TSPYL1: variants seen among roughly 807,000 people sequenced by gnomAD.
TSPYL1 encodes the protein testis-specific Y-encoded-like protein 1.
Under a neutral mutation model 20.1 loss-of-function variants are expected in TSPYL1, and 16 were observed. The ratio of observed to expected loss-of-function variants is 0.80; its 90% CI spans 0.54 to 1.21. The LOEUF (loss-of-function observed/expected upper bound fraction) is 1.21, where lower values mean the gene tolerates loss of function less well. TSPYL1 is among the 50% of genes most tolerant of loss of function. The pLI is 0.00. For synonymous variants in TSPYL1, 259 were observed against 227.1 expected, an observed-to-expected ratio of 1.14 and a Z score of -1.26; for missense variants, 560 against 569.3, an observed-to-expected ratio of 0.98 and a Z score of 0.17.
rs1163309251 is a variant in TSPYL1, at chr6:116,279,902, G to A, written c.-72C>T. 1.9e-6 allele frequency: 3 copies of A among 1,597,646 alleles called. No homozygotes were observed. Among genetic ancestry groups the A allele is most frequent in the Admixed American group, 3.3e-5 (2 of 59,968 alleles). The stretch of plus-strand genomic sequence containing the variant: ...GAGGCCGAACTGGGAGCTAACCGCC[G>A]CTCGCACCGCCCACCCTACAGTCTC... On this transcript the variant is annotated 5_prime_UTR_variant, in exon 1 of 1. Transcript: ENST00000368608.
rs1351568211 is a variant in TSPYL1 at position 116,276,691 on chromosome 6, A to G, written c.*1826T>C. 6.6e-6 allele frequency: 1 copy of G among 152,232 alleles called. No homozygotes were observed. Among genetic ancestry groups the G allele is most frequent in the Non-Finnish European group, 1.5e-5 (1 of 68,034 alleles). 9.4% of individuals were successfully genotyped at this position (152,232 alleles called of 1,614,324 possible). A position where few individuals can be genotyped will look rare whatever the true frequency, so the allele number is the denominator to read the frequency against. ...TTAATATGAACAACTTCATTCAAGCATTACATTTATGGGTAAGGTGAAAAA... is the reference window on the plus strand; with the variant it reads ...TTAATATGAACAACTTCATTCAAGCGTTACATTTATGGGTAAGGTGAAAAA... On this transcript the variant is annotated 3_prime_UTR_variant, in exon 1 of 1. Transcript: ENST00000368608.
chr6:116,279,267 C>G lies in TSPYL1; in HGVS notation c.564G>C (p.Glu188Asp). The G allele has an allele frequency of 1.7e-5, 27 of 1,604,246 alleles. No individual in the cohort carries two copies. The highest frequency in any genetic ancestry group is 2.2e-5 in the Non-Finnish European group (26 of 1,178,918). ...EGLAEKEVMEEQMEVEEQPPE... is the reference protein window; with the variant it reads ...EGLAEKEVMEDQMEVEEQPPE... ...GCGGCTGCTCCTCTACCTCCATCTG[C>G]TCCTCCATTACCTCCTTCTCCGCCA... Residue 188 changes from glutamate (E) to aspartate (D), a missense_variant, in exon 1 of 1, where the codon GAG (glutamate) becomes GAC (aspartate). Transcript: ENST00000368608.
In TSPYL1 at chr6:116,278,859, G is replaced by A; in HGVS notation, c.972C>T (p.Phe324=). ...HPRTGCKFKF[F]FRRNPYFRNK... ...TTCTGAAGTAGGGGTTTCTTCTAAA[G>A]AAGAACTTGAACTTGCAACCGGTTC... Residue 324 remains phenylalanine (F), a synonymous_variant, in exon 1 of 1, where the codon TTC becomes TTT. Coordinates refer to ENST00000368608, the MANE Select transcript of TSPYL1 (RefSeq NM_003309.4). 6 of 1,614,134 alleles carry A rather than the reference G, an allele frequency of 3.7e-6. No homozygotes were observed. The highest frequency in any genetic ancestry group is 5.1e-6 in the Non-Finnish European group (6 of 1,180,020).
rs1436898821 is a variant in TSPYL1 at position 116,279,469 on chromosome 6, A to T, written c.362T>A (p.Leu121Gln). The T allele has an allele frequency of 6.2e-7, 1 of 1,612,740 alleles. No individual in the cohort carries two copies. The highest frequency in any genetic ancestry group is 2.2e-5 in the East Asian group (1 of 44,864). ...ASVVMAADRS[L>Q]KKGVQGGEKA... Reference sequence around the variant, plus strand: ...CTCTCCACCCTGAACGCCCTTTTTCAGGCTGCGGTCGGCTGCCATCACCAC... The same window carrying T: ...CTCTCCACCCTGAACGCCCTTTTTCTGGCTGCGGTCGGCTGCCATCACCAC... Residue 121 changes from leucine (L) to glutamine (Q), a missense_variant, in exon 1 of 1, where the codon CTG becomes CAG. Physicochemically the swap from Leu to Gln is moderately radical, Grantham distance 113. Transcript: ENST00000368608.
Position 116,279,179 on chromosome 6 carries a change from C to A in TSPYL1, c.652G>T (p.Glu218Ter), listed in dbSNP as rs1408604811. 2 of 1,612,586 alleles carry A rather than the reference C, an allele frequency of 1.2e-6. No homozygotes were observed. The highest frequency in any genetic ancestry group is 2.2e-5 in the East Asian group (1 of 44,866). Residue 218 changes from glutamate to a stop codon, truncating the protein, a stop_gained, in exon 1 of 1, where the codon GAA (glutamate) becomes TAA (stop). Transcript: ENST00000368608. LOFTEE classifies it high-confidence loss of function. ...DRLEEEAREE[E>*]GPWPLHEALR... Reference sequence around the variant, plus strand: ...GCCTCATGCAAAGGCCAGGGCCCTTCTTCCTCCCTCGCCTCCTCCTCCAAT... The same window carrying A: ...GCCTCATGCAAAGGCCAGGGCCCTTATTCCTCCCTCGCCTCCTCCTCCAAT...
At position 116,279,674 on chromosome 6, in the gene TSPYL1, C is replaced by T. The variant is rs1773379332; in HGVS notation, c.157G>A (p.Gly53Ser). 6.2e-7 allele frequency: 1 copy of T among 1,608,804 alleles called. No homozygotes were observed. The highest frequency in any genetic ancestry group is 8.5e-7 in the Non-Finnish European group (1 of 1,179,958). ...TQVMAEPGEG[G>S]SETVALPPPP... ...GGCGGGAGCGCGACGGTCTCCGAGC[C>T]TCCCTCACCCGGCTCCGCCATCACC... is the stretch of plus-strand genomic sequence containing the variant. Residue 53 changes from glycine (G) to serine (S), a missense_variant, in exon 1 of 1, where the codon GGC becomes AGC. By Grantham distance (56) the Gly-to-Ser change is moderately conservative. Transcript: ENST00000368608.
Position 116,278,372 on chromosome 6 carries a change from G to GAA in TSPYL1, c.*143_*144dup. On this transcript the variant is annotated 3_prime_UTR_variant, in exon 1 of 1. Transcript: ENST00000368608. ...CACCGTCTCAATCTTGAGGTTGAGA[G>GAA]AACTGAATATCCAAAGGAAACAGGG... 9.9e-7 allele frequency: 1 copy of GAA among 1,015,188 alleles called. No homozygotes were observed. Among genetic ancestry groups the GAA allele is most frequent in the Non-Finnish European group, 1.5e-6 (1 of 673,612 alleles). The allele number at this position is 1,015,188 out of a possible 1,614,324, so 62.9% of individuals were successfully genotyped here.
In TSPYL1 at chr6:116,275,965, TTTGC is replaced by T. The variant is rs1773122972; in HGVS notation, c.*2548_*2551del. ...ACTGTATCACTCTGTTAATTCTTTG[TTTGC>T]TTATCAGTCCTTCCCCAGTTCCCCA... On this transcript the variant is annotated 3_prime_UTR_variant, in exon 1 of 1. Coordinates refer to ENST00000368608, the MANE Select transcript of TSPYL1 (RefSeq NM_003309.4). Among the ~76,000 whole-genome samples, 1 of 152,236 alleles carries T rather than the reference TTTGC, an allele frequency of 6.6e-6. No homozygotes were observed. Among genetic ancestry groups the T allele is most frequent in the Non-Finnish European group, 1.5e-5 (1 of 68,042 alleles).
At position 116,276,583 on chromosome 6, in the gene TSPYL1, T is replaced by C. The variant is rs1377501043; in HGVS notation, c.*1934A>G. ...CATCAATTTAAGGACTTTAATGATT[T>C]TAATCCATTAAGAACTTTAATGATT... is the stretch of plus-strand genomic sequence containing the variant. On this transcript the variant is annotated 3_prime_UTR_variant, in exon 1 of 1. Transcript: ENST00000368608. The C allele has an allele frequency of 6.6e-6, 1 of 152,088 alleles. No homozygotes were observed. Among genetic ancestry groups the C allele is most frequent in the Non-Finnish European group, 1.5e-5 (1 of 68,018 alleles). The allele number at this position is 152,088 out of a possible 1,614,324, so 9.4% of individuals were successfully genotyped here.
At position 116,279,906 on chromosome 6, in the gene TSPYL1, G is replaced by A; in HGVS notation, c.-76C>T. On this transcript the variant is annotated 5_prime_UTR_variant, in exon 1 of 1. Transcript: ENST00000368608. Reference sequence around the variant, plus strand: ...CCGAACTGGGAGCTAACCGCCGCTCGCACCGCCCACCCTACAGTCTCACTA... The same window carrying A: ...CCGAACTGGGAGCTAACCGCCGCTCACACCGCCCACCCTACAGTCTCACTA... 2 of 1,588,670 alleles carry A rather than the reference G, an allele frequency of 1.3e-6. No individual in the cohort carries two copies. Among genetic ancestry groups the A allele is most frequent in the Non-Finnish European group, 8.6e-7 (1 of 1,158,124 alleles).
rs769329052 is a variant in TSPYL1 at position 116,278,921 on chromosome 6, T to C, written c.910A>G (p.Ile304Val). ...RGQDAEMLRY[I>V]TNLEVKELRH... ...AGTTCCTTCACCTCTAAATTGGTTATGTACCTTAACATCTCTGCATCTTGG... is the reference window on the plus strand; with the variant it reads ...AGTTCCTTCACCTCTAAATTGGTTACGTACCTTAACATCTCTGCATCTTGG... Residue 304 changes from isoleucine to valine, a missense_variant, in exon 1 of 1, where the codon ATA (isoleucine) becomes GTA (valine). By Grantham distance (29) the Ile-to-Val change is conservative (BLOSUM62 3). Coordinates refer to ENST00000368608, the MANE Select transcript of TSPYL1 (RefSeq NM_003309.4). 6 of 1,614,066 alleles carry C rather than the reference T, an allele frequency of 3.7e-6. No homozygotes were observed. In the Admixed American group the frequency reaches 5.0e-5, roughly 13 times the overall value.
In TSPYL1 at chr6:116,277,327, T is replaced by C. The variant is rs998320597; in HGVS notation, c.*1190A>G. 5 of 152,790 alleles carry C rather than the reference T, an allele frequency of 3.3e-5. No homozygotes were observed. Among genetic ancestry groups the C allele is most frequent in the Admixed American group, 6.5e-5 (1 of 15,306 alleles). The allele number at this position is 152,790 out of a possible 1,614,324, so 9.5% of individuals were successfully genotyped here. ...AAAAGTATTTTTCCATTCATCATCA[T>C]TGGGGAGTAAGTACTCCTTCCTCGA... On this transcript the variant is annotated 3_prime_UTR_variant, in exon 1 of 1. Coordinates refer to ENST00000368608, the MANE Select transcript of TSPYL1 (RefSeq NM_003309.4).
chr6:116,278,371 A>G lies in TSPYL1; in HGVS notation c.*146T>C, dbSNP rs898637668. The G allele has an allele frequency of 7.0e-6, 7 of 997,974 alleles. No homozygotes were observed. The African/African-American group carries it at 1.1e-4, about 16-fold the overall frequency. The allele number at this position is 997,974 out of a possible 1,614,324, so 61.8% of individuals were successfully genotyped here. A position where few individuals can be genotyped will look rare whatever the true frequency, so the allele number is the denominator to read the frequency against. ...CCACCGTCTCAATCTTGAGGTTGAG[A>G]GAACTGAATATCCAAAGGAAACAGG... On this transcript the variant is annotated 3_prime_UTR_variant, in exon 1 of 1. Transcript: ENST00000368608.
rs1338684000 is a variant in TSPYL1 at position 116,278,426 on chromosome 6, A to G, written c.*91T>C. 6.4e-7 allele frequency: 1 copy of G among 1,565,228 alleles called. No individual in the cohort carries two copies. Among genetic ancestry groups the G allele is most frequent in the African/African-American group, 1.4e-5 (1 of 73,924 alleles). ...AGAAAAGTCAGCAAAAACAAAGCAC[A>G]ATAGAAGGCATACTCATTGCTGATG... On this transcript the variant is annotated 3_prime_UTR_variant, in exon 1 of 1. Coordinates refer to ENST00000368608, the MANE Select transcript of TSPYL1 (RefSeq NM_003309.4).
In TSPYL1 at chr6:116,276,633, A is replaced by C. The variant is rs958287139; in HGVS notation, c.*1884T>G. On this transcript the variant is annotated 3_prime_UTR_variant, in exon 1 of 1. Transcript: ENST00000368608. Reference sequence around the variant, plus strand: ...TTTAATCCATTAAGAACTTTAATGGATTAAAGGACTTTAATGATTCCATAA... The same window carrying C: ...TTTAATCCATTAAGAACTTTAATGGCTTAAAGGACTTTAATGATTCCATAA... 1 of 152,078 alleles carries C rather than the reference A, an allele frequency of 6.6e-6. No individual in the cohort carries two copies. The highest frequency in any genetic ancestry group is 1.5e-5 in the Non-Finnish European group (1 of 67,980). The allele number at this position is 152,078 out of a possible 1,614,324, so 9.4% of individuals were successfully genotyped here. A position where few individuals can be genotyped will look rare whatever the true frequency, so the allele number is the denominator to read the frequency against.
rs181424910 is a variant in TSPYL1, at chr6:116,275,485, C to G, written c.*3032G>C. Among the ~76,000 whole-genome samples the G allele has an allele frequency of 1.4e-4, 22 of 152,304 alleles. No homozygotes were observed. Among genetic ancestry groups the G allele is most frequent in the Non-Finnish European group, 2.9e-4 (20 of 68,026 alleles). ...CTGAGTTTTGTCATTCAATATTTAT[C>G]TGCTGACAACTATGCAAAACATTAT... On this transcript the variant is annotated 3_prime_UTR_variant, in exon 1 of 1. Coordinates refer to ENST00000368608, the MANE Select transcript of TSPYL1 (RefSeq NM_003309.4).
Position 116,279,434 on chromosome 6 carries a change from C to G in TSPYL1, c.397G>C (p.Glu133Gln). ...KGVQGGEKAL[E>Q]ICGAQRSASE... ...GCGGATCTCTGGGCGCCACAGATTTCTAGGGCCTTCTCTCCACCCTGAACG... is the reference window on the plus strand; with the variant it reads ...GCGGATCTCTGGGCGCCACAGATTTGTAGGGCCTTCTCTCCACCCTGAACG... The change falls in exon 1 of 1, where the codon GAA (glutamate) becomes CAA (glutamine). Residue 133 changes from glutamate to glutamine, a missense_variant. Transcript: ENST00000368608. 1 of 1,613,540 alleles carries G rather than the reference C, an allele frequency of 6.2e-7. No homozygotes were observed. The highest frequency in any genetic ancestry group is 8.5e-7 in the Non-Finnish European group (1 of 1,180,026).
Position 116,278,715 on chromosome 6 carries a change from G to A in TSPYL1, c.1116C>T (p.Asp372=), listed in dbSNP as rs1339620596. ...ACCAAGTGAAGAAGCTGCAGATGAG[G>A]TCTTGGTTTCTGCGAATGAAGGACT... The part of the protein sequence containing the change: ...EPQSFIRRNQ[D]LICSFFTWFS... Residue 372 remains aspartate, a synonymous_variant, in exon 1 of 1, where the codon GAC becomes GAT. Transcript: ENST00000368608. The A allele has an allele frequency of 2.5e-6, 4 of 1,614,054 alleles. No homozygotes were observed. Among genetic ancestry groups the A allele is most frequent in the South Asian group, 2.2e-5 (2 of 91,090 alleles).
chr6:116,279,477 G>A lies in TSPYL1; in HGVS notation c.354C>T (p.Asp118=), dbSNP rs751588445. The change falls in exon 1 of 1, where the codon GAC becomes GAT. Residue 118 remains aspartate (D), a synonymous_variant. Transcript: ENST00000368608. The part of the protein sequence containing the change: ...LAAASVVMAA[D]RSLKKGVQGG... ...CCTGAACGCCCTTTTTCAGGCTGCG[G>A]TCGGCTGCCATCACCACAGAAGCGG... 17 of 1,612,312 alleles carry A rather than the reference G, an allele frequency of 1.1e-5. 1 individual carries two copies. In the Admixed American group the frequency reaches 2.5e-4, roughly 24 times the overall value.
Sources: allele counts gnomAD v4.1 joint callset (sites outside exome capture counted in the v4.1 genomes callset), GRCh38; gene constraint gnomAD v4.1.1; transcripts MANE v1.5; gene names NCBI Gene and HGNC (gene_info 2026-07-23, HGNC 2026-07-21).